MIAT: variants seen among roughly 807,000 people sequenced by gnomAD.
MIAT encodes the protein MI related novel mRNA.
rs937293431 is a variant in MIAT, at chr22:26,668,380, G to A, written n.2485G>A. On this transcript the variant is annotated non_coding_transcript_exon_variant, in exon 6 of 6. Transcript: ENST00000643270. ...TTGATGCTCAGCAGATGACTGATCTGGCTCTGGAGGACAGCTCCAGGGGTA... is the reference window on the plus strand; with the variant it reads ...TTGATGCTCAGCAGATGACTGATCTAGCTCTGGAGGACAGCTCCAGGGGTA... The A allele has an allele frequency of 2.5e-5, 10 of 398,810 alleles. No individual in the cohort carries two copies. In the East Asian group the frequency reaches 3.6e-4, roughly 14 times the overall value. The allele number at this position is 398,810 out of a possible 1,614,324, so 24.7% of individuals were successfully genotyped here.
At chr22:26,663,891 C>T (rs927742962) in intron 3 of MIAT, among the ~76,000 whole-genome samples, 2 of 151,512 alleles carry the variant, frequency 1.3e-5, no homozygotes, top group Admixed American at 6.6e-5. Context: ...CCAATCCCCT[C>T]TCAGCCCCAG....
At chr22:26,673,429 A>G (rs1046131942), downstream of MIAT, 52 of 398,624 alleles carry the variant, frequency 1.3e-4, no homozygotes, top group Non-Finnish European at 2.2e-4. Context: ...ACTAACAACC[A>G]ACCTGGCCCT....
At chr22:26,648,559 GTTT>G (rs113480751) in intron 2 of MIAT, among the ~76,000 whole-genome samples, 1 of 111,200 alleles carries the variant, frequency 9.0e-6, no homozygotes. Flanking sequence ...ATGGGGTTTT[GTTT>G]TTTTTTTTTG....
chr22:26,657,945 A>AG (rs1267246075), intron 2 of MIAT, among the ~76,000 whole-genome samples: 1 of 152,096 alleles, frequency 6.6e-6, no homozygotes, highest in Non-Finnish European at 1.5e-5. Flanking sequence ...CATGATTATG[A>AG]GGGGGAACAA....
chr22:26,657,398 G>C lies in MIAT; in HGVS notation n.647-5918G>C, dbSNP rs574167485. The C allele has an allele frequency of 3.8e-5, 15 of 398,036 alleles. No homozygotes were observed. In the East Asian group the frequency reaches 3.9e-4, roughly 10 times the overall value. 24.7% of individuals were successfully genotyped at this position (398,036 alleles called of 1,614,324 possible). ...TGAGGTTGTAGGGGCGCAAGGAGGC[G>C]GGAGGAGGGTGGAGGTGAGGGCCGG... On this transcript the variant is annotated intron_variant and non_coding_transcript_variant, in intron 2 of 5. Transcript: ENST00000643270.
chr22:26,647,849 A>T (rs1360280966), intron 2 of MIAT, among the ~76,000 whole-genome samples: 2 of 151,488 alleles, frequency 1.3e-5, no homozygotes, highest in African/African-American at 4.9e-5. Flanking sequence ...ACTTGGCGGA[A>T]TGTTCCAGAG....
At chr22:26,668,891 T>C in exon 6 of MIAT, 1 of 398,630 alleles carries the variant, frequency 2.5e-6, no homozygotes, top group Non-Finnish European at 4.4e-6. Context: ...TGCACCATCC[T>C]GAAAAGAGAG....
At chr22:26,663,047 G>A (rs575928665) in intron 2 of MIAT, among the ~76,000 whole-genome samples, 1 of 152,364 alleles carries the variant, frequency 6.6e-6, no homozygotes, top group East Asian at 1.9e-4. Context: ...GAGGTTCACT[G>A]TGGTAAAGGA....
chr22:26,648,839 G>C (rs986693853), intron 2 of MIAT, among the ~76,000 whole-genome samples: 8 of 151,954 alleles, frequency 5.3e-5, no homozygotes, highest in Admixed American at 5.2e-4. Flanking sequence ...AACTAACCAG[G>C]TATAAGAACT....
chr22:26,669,895 AC>A, downstream of MIAT: 1 of 398,578 alleles, frequency 2.5e-6, no homozygotes, highest in Non-Finnish European at 4.4e-6. Flanking sequence ...AAGTTACTTC[AC>A]CTCTGAGCCT....
chr22:26,652,792 C>T (rs1191221882), intron 2 of MIAT, among the ~76,000 whole-genome samples: 2 of 152,178 alleles, frequency 1.3e-5, no homozygotes, highest in Admixed American at 6.5e-5. Flanking sequence ...GCTCCCCTTT[C>T]CTTGATATGT....
chr22:26,659,840 C>CTTTTTTTTTTTT (rs1189391284), intron 2 of MIAT, among the ~76,000 whole-genome samples: 3 of 94,968 alleles, frequency 3.2e-5, no homozygotes, highest in Non-Finnish European at 4.0e-5. Context: ...TTCTTTCTTT[C>CTTTTTTTTTTTT]TTTTTTTTTT....
At chr22:26,649,940 C>T (rs1321892732) in intron 2 of MIAT, among the ~76,000 whole-genome samples, 3 of 152,140 alleles carry the variant, frequency 2.0e-5, no homozygotes, top group African/African-American at 4.8e-5. Flanking sequence ...AGGAGTTCCA[C>T]GACATCCTCG....
At chr22:26,675,238 G>A (rs764410385) in exon 5 of MIAT, 4 of 398,924 alleles carry the variant, frequency 1.0e-5, no homozygotes, top group Admixed American at 4.4e-5. Context: ...TCCGGGCAGC[G>A]AGAGTGGTGG....
At chr22:26,656,972 A>G (rs1367655569) in intron 2 of MIAT, among the ~76,000 whole-genome samples, 2 of 152,264 alleles carry the variant, frequency 1.3e-5, no homozygotes, top group Non-Finnish European at 2.9e-5. Context: ...TTGTTAGGCC[A>G]AATGCTGTAC....
intron 2 of MIAT, among the ~76,000 whole-genome samples, chr22:26,661,582 T>C (rs1312418766): frequency 6.6e-6 from 1 of 152,038 alleles, no homozygotes; most frequent in East Asian, 1.9e-4. Context: ...GGATTAGGCA[T>C]TGCAGGTGGG....
chr22:26,655,793 T>C (rs1287125422), intron 2 of MIAT, among the ~76,000 whole-genome samples: 1 of 152,170 alleles, frequency 6.6e-6, no homozygotes, highest in Non-Finnish European at 1.5e-5. Context: ...CTTCCTTTCT[T>C]TCCCCAGGGC....
exon 4 of MIAT, chr22:26,665,810 C>T: frequency 2.5e-6 from 1 of 398,612 alleles, no homozygotes; most frequent in Non-Finnish European, 4.4e-6. Flanking sequence ...GGGTGATTTT[C>T]ACACTTCACA....
intron 2 of MIAT, among the ~76,000 whole-genome samples, chr22:26,651,248 AG>A (rs1930331131): frequency 6.6e-6 from 1 of 152,212 alleles, no homozygotes; most frequent in Admixed American, 6.5e-5. Context: ...GACTCAAATG[AG>A]ATTTTCTATC....
Sources: allele counts gnomAD v4.1 joint callset (sites outside exome capture counted in the v4.1 genomes callset), GRCh38; gene constraint gnomAD v4.1.1; transcripts MANE v1.5; gene names NCBI Gene and HGNC (gene_info 2026-07-23, HGNC 2026-07-21).